Variants in TPM4 observed in about 807,000 individuals in gnomAD.
TPM4 encodes the protein tropomyosin 4, also known as tropomyosin alpha-4 chain.
A neutral mutation model predicts 35.8 loss-of-function variants in TPM4; 17 were observed. That is an observed-to-expected ratio of 0.47 (90% CI 0.32 to 0.71). The LOEUF is 0.71. Among genes scored for constraint, TPM4 ranks in the 30% least tolerant of loss-of-function variants. The probability of loss-of-function intolerance (pLI) is 0.03; values close to 1 mark genes in which losing one functional copy is unlikely to be tolerated. For missense variants in TPM4, 240 were observed against 320.9 expected (o/e 0.75, Z 1.93); for synonymous variants, 120 against 122.9 (o/e 0.98, Z 0.15).
intron 1 of TPM4, chr19:16,076,911 G>A: frequency 1.8e-6 from 2 of 1,098,948 alleles, no homozygotes; most frequent in Admixed American, 8.9e-5. Flanking sequence ...CAGGGGAGGG[G>A]GCGCCGCCTC....
At position 16,082,004 on chromosome 19, in the gene TPM4, A is replaced by G. The variant is rs1422919589; in HGVS notation, c.224A>G (p.Gln75Arg). 3.7e-6 allele frequency: 6 copies of G among 1,610,892 alleles called. No individual in the cohort carries two copies. The South Asian group carries it at 6.6e-5, about 18-fold the overall frequency. Residue 75 changes from glutamine to arginine, a missense_variant, in exon 2 of 8, where the codon CAG becomes CGG. Physicochemically the swap from Gln to Arg is conservative, Grantham distance 43. Transcript: ENST00000643579. Reference sequence around the variant, plus strand: ...CAGGAACGACTGGCCACGGCCCTGCAGAAGCTGGAGGAGGCAGAAAAAGCT... The same window carrying G: ...CAGGAACGACTGGCCACGGCCCTGCGGAAGCTGGAGGAGGCAGAAAAAGCT... ...RAQERLATAL[Q>R]KLEEAEKAAD...
At chr19:16,078,445 C>A (rs1339848823) in intron 1 of TPM4, among the ~76,000 whole-genome samples, 3 of 152,168 alleles carry the variant, frequency 2.0e-5, no homozygotes, top group Non-Finnish European at 4.4e-5. Context: ...TGGAAAGAGC[C>A]CAGATGGGGG....
intron 5 of TPM4, among the ~76,000 whole-genome samples, chr19:16,093,319 C>T (rs969809144): frequency 6.6e-6 from 1 of 152,002 alleles, no homozygotes; most frequent in Non-Finnish European, 1.5e-5. Context: ...CCTCATCCTC[C>T]CCAGTAGCTG....
chr19:16,082,181 C>G, intron 2 of TPM4, 135 bp downstream of exon 2: 1 of 1,220,106 alleles, frequency 8.2e-7, no homozygotes. Flanking sequence ...AAGTGCATGA[C>G]AGCACTTTGT....
chr19:16,076,474 T>G, upstream of TPM4: 1 of 1,333,216 alleles, frequency 7.5e-7, no homozygotes, highest in Non-Finnish European at 9.5e-7. Flanking sequence ...AGGCAAAGGC[T>G]TGGGGGGCCG....
At chr19:16,094,804 T>C (rs2090674032) in intron 7 of TPM4, among the ~76,000 whole-genome samples, 1 of 152,124 alleles carries the variant, frequency 6.6e-6, no homozygotes, top group Non-Finnish European at 1.5e-5. Flanking sequence ...AATCTTGGGG[T>C]TCAAATGGAA....
At chr19:16,091,591 A>G (rs898428560) in intron 5 of TPM4, among the ~76,000 whole-genome samples, 4 of 152,048 alleles carry the variant, frequency 2.6e-5, no homozygotes, top group Admixed American at 2.6e-4. Context: ...CCTGGGCAAC[A>G]TGGAGAGATC....
intron 7 of TPM4, chr19:16,100,303 T>A (rs1568313793): frequency 6.6e-6 from 1 of 152,222 alleles, no homozygotes; most frequent in Non-Finnish European, 1.5e-5. Flanking sequence ...CCAACTTAAA[T>A]CTGAGTTTCA....
chr19:16,092,872 T>G (rs1480111268), intron 5 of TPM4, among the ~76,000 whole-genome samples: 1 of 152,032 alleles, frequency 6.6e-6, no homozygotes, highest in Non-Finnish European at 1.5e-5. Flanking sequence ...TCCTTTTTTT[T>G]GAGATGGGGT....
rs2090350055 is a variant in TPM4 at position 16,070,812 on chromosome 19, A to AC, written c.114+3078dup. Among the ~76,000 whole-genome samples the AC allele has an allele frequency of 1.4e-5, 2 of 146,332 alleles. No homozygotes were observed. Among genetic ancestry groups the AC allele is most frequent in the African/African-American group, 5.1e-5 (2 of 38,890 alleles). On this transcript the variant is annotated intron_variant, in intron 2 of 2. Coordinates refer to the TPM4 transcript ENST00000589897. The surrounding 1 kb of genome is among the most constrained non-coding windows in gnomAD (Gnocchi z 7.4). The stretch of plus-strand genomic sequence containing the variant: ...GGCACATTCGTGCAGGCCAAGCCCC[A>AC]CCCCAGTGTTCCCTGCCACAAGCTC...
At chr19:16,076,377 C>T, upstream of TPM4, 1 of 1,407,772 alleles carries the variant, frequency 7.1e-7, no homozygotes, top group Non-Finnish European at 9.2e-7. Flanking sequence ...CCCAGCGGTG[C>T]TGACGTCGGC....
chr19:16,081,806 G>A, intron 1 of TPM4, 107 bp from the exon 2 acceptor site: 1 of 1,385,530 alleles, frequency 7.2e-7, no homozygotes. Flanking sequence ...CTCCTGGGTG[G>A]GCTTTGACGG....
chr19:16,075,125 A>T (rs2090390957), upstream of TPM4: 1 of 151,764 alleles, frequency 6.6e-6, no homozygotes, highest in Non-Finnish European at 1.5e-5. Flanking sequence ...GCTGGATATG[A>T]TCACCCTAAT....
Position 16,093,773 on chromosome 19 carries a change from A to G in TPM4, c.664+20A>G, listed in dbSNP as rs753297584. 1.2e-6 allele frequency: 2 copies of G among 1,612,392 alleles called. No individual in the cohort carries two copies. The highest frequency in any genetic ancestry group is 1.7e-6 in the Non-Finnish European group (2 of 1,179,860). On this transcript the variant is annotated intron_variant, in intron 7 of 7. Coordinates refer to ENST00000643579, the MANE Select transcript of TPM4 (RefSeq NM_003290.3). ...TGGAAGGTATGAGGTTACCATCTAA[A>G]TGTTTGCCTTGCCCTGCCTTCCCCT...
At position 16,081,905 on chromosome 19, in the gene TPM4, C is replaced by G. The variant is rs894964156; in HGVS notation, c.133-8C>G. On this transcript the variant is annotated splice_region_variant and splice_polypyrimidine_tract_variant and intron_variant, in intron 1 of 7. Coordinates refer to ENST00000643579, the MANE Select transcript of TPM4 (RefSeq NM_003290.3). ...TTCTTAACATGGCTGCACCTCCGAC[C>G]TCCCCAGGCTGAAGGTGATGTGGCC... is the stretch of plus-strand genomic sequence containing the variant. The G allele has an allele frequency of 1.3e-6, 2 of 1,586,390 alleles. No individual in the cohort carries two copies. Among genetic ancestry groups the G allele is most frequent in the African/African-American group, 1.3e-5 (1 of 74,404 alleles).
upstream of TPM4, among the ~76,000 whole-genome samples, chr19:16,073,580 A>G (rs530330023): frequency 1.3e-5 from 2 of 152,272 alleles, no homozygotes; most frequent in South Asian, 4.1e-4. Flanking sequence ...GTCAGGCCCT[A>G]TAGACTCTGA....
chr19:16,070,217 C>G lies in TPM4; in HGVS notation c.114+2479C>G, dbSNP rs1169186642. ...ATCTCCTGGCAGCCAAGAGCCCACA[C>G]AGACCCAGAACTTTGGAGACAAGAG... is the stretch of plus-strand genomic sequence containing the variant. On this transcript the variant is annotated intron_variant, in intron 2 of 2. Coordinates refer to the TPM4 transcript ENST00000589897. This position sits in a 1 kb window ranked among gnomAD's most constrained non-coding sequence, Gnocchi z 7.4. Among the ~76,000 whole-genome samples, 2 of 152,318 alleles carry G rather than the reference C, an allele frequency of 1.3e-5. No individual in the cohort carries two copies. The highest frequency in any genetic ancestry group is 6.8e-3 in the Middle Eastern group (2 of 294).
intron 2 of TPM4, 29 bp from the exon 3 acceptor site, chr19:16,086,394 G>T: frequency 1.9e-6 from 3 of 1,594,400 alleles, no homozygotes; most frequent in Non-Finnish European, 2.6e-6. Flanking sequence ...GTGAGTGAAC[G>T]GCCGTCCTGA....
chr19:16,092,252 G>A (rs1417659789), intron 5 of TPM4, among the ~76,000 whole-genome samples: 1 of 152,008 alleles, frequency 6.6e-6, no homozygotes, highest in Non-Finnish European at 1.5e-5. Flanking sequence ...CATGCTAAGG[G>A]GTGCATTCAT....
Sources: gnomAD v4.1 joint callset for allele counts (sites outside exome capture counted in the v4.1 genomes callset) on GRCh38, gnomAD v4.1.1 for gene constraint, Gnocchi (gnomAD v3.1) non-coding constraint, MANE v1.5 for transcripts, NCBI Gene and HGNC (gene_info 2026-07-23, HGNC 2026-07-21) for gene names.